The following DBF4B variants were observed in gnomAD, a reference collection of about 807,000 sequenced individuals.
DBF4B encodes the protein DBF4B-CDC7 kinase regulatory subunit.
A neutral mutation model predicts 53.4 loss-of-function variants in DBF4B; 49 were observed. The ratio of observed to expected loss-of-function variants is 0.92; its 90% CI spans 0.73 to 1.16. The LOEUF is 1.16. DBF4B is among the 50% of genes most tolerant of loss of function. DBF4B has a pLI of 0.00. For missense variants in DBF4B, 692 were observed against 775.0 expected, an observed-to-expected ratio of 0.89 and a Z score of 1.27; for synonymous variants, 257 against 288.7, an observed-to-expected ratio of 0.89 and a Z score of 1.11.
intron 3 of DBF4B, among the ~76,000 whole-genome samples, chr17:44,724,380 CT>C (rs78452717): frequency 9.0e-4 from 133 of 146,984 alleles, no homozygotes; most frequent in East Asian, 2.0e-3. Flanking sequence ...AAAAGAGAAA[CT>C]TTTTTTTTTT....
At chr17:44,732,097 A>G in intron 5 of DBF4B, 81 bp from the exon 6 acceptor site, 1 of 1,456,570 alleles carries the variant, frequency 6.9e-7, no homozygotes, top group East Asian at 2.3e-5. Flanking sequence ...CAGGCCTCCC[A>G]GAAGCAATTT....
At chr17:44,738,168 C>T (rs1050065997) in intron 8 of DBF4B, among the ~76,000 whole-genome samples, 1 of 152,240 alleles carries the variant, frequency 6.6e-6, no homozygotes, top group Non-Finnish European at 1.5e-5. Flanking sequence ...TTAACTGCAG[C>T]CTATCCCCCC....
At chr17:44,725,531 T>C (rs568978383) in intron 3 of DBF4B, among the ~76,000 whole-genome samples, 5 of 152,132 alleles carry the variant, frequency 3.3e-5, no homozygotes, top group Admixed American at 2.6e-4. Flanking sequence ...TAGTCAATTG[T>C]AGAACATTTT....
chr17:44,728,152 C>T (rs971528606), intron 3 of DBF4B, among the ~76,000 whole-genome samples: 5 of 152,124 alleles, frequency 3.3e-5, no homozygotes, highest in Admixed American at 6.6e-5. Context: ...GATGGCCTCA[C>T]TCACACATCT....
At chr17:44,745,446 G>A (rs1976498631) in intron 10 of DBF4B, among the ~76,000 whole-genome samples, 1 of 152,190 alleles carries the variant, frequency 6.6e-6, no homozygotes, top group Admixed American at 6.5e-5. Context: ...CATGGCTGGG[G>A]AGGCCTCAGG....
At chr17:44,742,146 T>TG (rs1040910896) in intron 10 of DBF4B, among the ~76,000 whole-genome samples, 4 of 151,538 alleles carry the variant, frequency 2.6e-5, no homozygotes, top group African/African-American at 9.7e-5. Context: ...CTCATGCCCG[T>TG]AATTCCAGCA....
chr17:44,747,890 C>G (rs2049148888), intron 12 of DBF4B, among the ~76,000 whole-genome samples: 1 of 152,166 alleles, frequency 6.6e-6, no homozygotes, highest in Non-Finnish European at 1.5e-5. Context: ...GAAAGAAGGA[C>G]TGCATGGGGT....
chr17:44,748,544 C>CTA (rs1567677429), intron 13 of DBF4B, 79 bp downstream of exon 13: 2 of 1,593,636 alleles, frequency 1.3e-6, no homozygotes, highest in Admixed American at 3.5e-5. Context: ...GTACCTGGAC[C>CTA]TATAGCAAGC....
chr17:44,742,442 G>A (rs1252799776), intron 10 of DBF4B, among the ~76,000 whole-genome samples: 4 of 151,000 alleles, frequency 2.6e-5, no homozygotes, highest in Non-Finnish European at 5.9e-5. Flanking sequence ...TTAGTCAAGC[G>A]TGATGACAAG....
intron 7 of DBF4B, among the ~76,000 whole-genome samples, chr17:44,735,562 T>C (rs1408578293): frequency 6.6e-6 from 1 of 151,846 alleles, no homozygotes; most frequent in African/African-American, 2.4e-5. Flanking sequence ...CCCAGCTACT[T>C]GGGAGGGTGA....
At position 44,721,893 on chromosome 17, in the gene DBF4B, G is replaced by C. The variant is rs532340799; in HGVS notation, c.83-987G>C. On this transcript the variant is annotated intron_variant, in intron 2 of 13. Coordinates refer to ENST00000315005, the MANE Select transcript of DBF4B (RefSeq NM_145663.3). ...CTCGCGCCTGTAATCCCAGCACTTT[G>C]GGAGGCCGAGGCGAGCAGATCACCT... Among the ~76,000 whole-genome samples, 1,164 of 151,898 alleles carry C rather than the reference G, an allele frequency of 7.7e-3. 10 individuals carry two copies. Among genetic ancestry groups the C allele is most frequent in the Non-Finnish European group, 0.011 (769 of 67,966 alleles).
chr17:44,721,224 CCT>C (rs1491264406), intron 2 of DBF4B, among the ~76,000 whole-genome samples: 36 of 134,018 alleles, frequency 2.7e-4, no homozygotes, highest in Admixed American at 6.7e-4. Context: ...CTTCCCCCCC[CCT>C]CCCCTTTTTT....
chr17:44,744,029 GATCACTTT>G (rs1976337492), intron 10 of DBF4B, among the ~76,000 whole-genome samples: 1 of 143,566 alleles, frequency 7.0e-6, no homozygotes, highest in Non-Finnish European at 1.5e-5. Flanking sequence ...AAGGGGGAAG[GATCACTTT>G]GAGGCCAGGA....
intron 10 of DBF4B, among the ~76,000 whole-genome samples, chr17:44,741,992 A>G (rs1976082438): frequency 6.6e-6 from 1 of 152,052 alleles, no homozygotes; most frequent in Non-Finnish European, 1.5e-5. Context: ...GATGCCTGTA[A>G]TCTCAGCACT....
chr17:44,748,283 TGGCCCA>T (rs1186750112), intron 12 of DBF4B, 52 bp from the exon 13 acceptor site: 2 of 1,537,120 alleles, frequency 1.3e-6, no homozygotes, highest in Non-Finnish European at 1.8e-6. Context: ...CCCTCAGCCC[TGGCCCA>T]GGCCTGCTGT....
intron 1 of DBF4B, 183 bp downstream of exon 1, chr17:44,709,022 A>C: frequency 1.2e-6 from 1 of 841,584 alleles, no homozygotes; most frequent in Non-Finnish European, 1.9e-6. Context: ...GTGGCAGAGG[A>C]ACGTAGGGGA....
chr17:44,721,688 C>T (rs1033129799), intron 2 of DBF4B, among the ~76,000 whole-genome samples: 4 of 151,926 alleles, frequency 2.6e-5, no homozygotes, highest in Non-Finnish European at 5.9e-5. Context: ...TACTTGCTTT[C>T]TTCAGTTGCC....
At chr17:44,733,991 G>GTC in intron 6 of DBF4B, 99 bp from the exon 7 acceptor site, 2 of 957,248 alleles carry the variant, frequency 2.1e-6, no homozygotes, top group Admixed American at 1.8e-5. Context: ...TGATTCAGTG[G>GTC]GCTGGCCCAG....
intron 12 of DBF4B, among the ~76,000 whole-genome samples, chr17:44,748,037 G>A (rs1398692672): frequency 6.6e-6 from 1 of 152,196 alleles, no homozygotes; most frequent in African/African-American, 2.4e-5. Context: ...GCCAGGCACT[G>A]CGCTGCTTTC....
Sources: gnomAD v4.1 joint callset for allele counts (sites outside exome capture counted in the v4.1 genomes callset) on GRCh38, gnomAD v4.1.1 for gene constraint, MANE v1.5 for transcripts, NCBI Gene and HGNC (gene_info 2026-07-23, HGNC 2026-07-21) for gene names.